The following BCL11B variants were observed in gnomAD, a reference collection of about 807,000 sequenced individuals.
The protein encoded by BCL11B is B-cell lymphoma/leukemia 11B.
A neutral mutation model predicts 49.9 loss-of-function variants in BCL11B; 8 were observed. That is an observed-to-expected ratio of 0.16 (90% CI 0.09 to 0.29). BCL11B has a LOEUF of 0.29. Ranked by LOEUF, BCL11B falls within the 10% of genes least tolerant of loss-of-function variation. The pLI is 1.00. For synonymous variants in BCL11B, 739 were observed against 637.4 expected (o/e 1.16, Z -2.40); for missense variants, 1,006 against 1,351.0 (o/e 0.74, Z 4.00).
chr14:99,207,340 C>A (rs1887561345), intron 3 of BCL11B, among the ~76,000 whole-genome samples: 1 of 152,180 alleles, frequency 6.6e-6, no homozygotes, highest in East Asian at 1.9e-4. Context: ...CCTTTGCAGA[C>A]CTAACTCTCA....
In BCL11B at chr14:99,247,318, T is replaced by A. The variant is rs1277693567; in HGVS notation, c.427+10153A>T. 6.6e-6 allele frequency among the ~76,000 whole-genome samples: 1 copy of A among 152,108 alleles called. No individual in the cohort carries two copies. The highest frequency in any genetic ancestry group is 2.4e-5 in the African/African-American group (1 of 41,400). On this transcript the variant is annotated intron_variant, in intron 2 of 3. Transcript: ENST00000357195. This position sits in a 1 kb window ranked among gnomAD's most constrained non-coding sequence, Gnocchi z 4.5. The stretch of plus-strand genomic sequence containing the variant: ...TTTCTTAATTGGCTGGCTTTGAACT[T>A]GAGGTGGGAGGAGAAAAGAACCCGC...
rs1433901442 is a variant in BCL11B, at chr14:99,248,779, GAC to G, written c.427+8690_427+8691del. Among the ~76,000 whole-genome samples, 2 of 152,142 alleles carry G rather than the reference GAC, an allele frequency of 1.3e-5. No homozygotes were observed. Among genetic ancestry groups the G allele is most frequent in the Admixed American group, 6.5e-5 (1 of 15,280 alleles). On this transcript the variant is annotated intron_variant, in intron 2 of 3. Coordinates refer to ENST00000357195, the MANE Select transcript of BCL11B (RefSeq NM_138576.4). This position sits in a 1 kb window ranked among gnomAD's most constrained non-coding sequence, Gnocchi z 4.7. Reference sequence around the variant, plus strand: ...AAAGGAATTGAGGTGGGAAATGCACGACCTTCTGCCTGGCTCTTGCAGCTGTT... The same window carrying G: ...AAAGGAATTGAGGTGGGAAATGCACGCTTCTGCCTGGCTCTTGCAGCTGTT...
At chr14:99,198,485 T>C (rs1887243529) in intron 3 of BCL11B, among the ~76,000 whole-genome samples, 1 of 152,152 alleles carries the variant, frequency 6.6e-6, no homozygotes, top group South Asian at 2.1e-4. Context: ...CTGGGTGATG[T>C]TCCACCCTAT....
At chr14:99,193,438 T>C (rs1424798089) in intron 3 of BCL11B, among the ~76,000 whole-genome samples, 1 of 151,820 alleles carries the variant, frequency 6.6e-6, no homozygotes, top group African/African-American at 2.4e-5. Flanking sequence ...CTAGAACAGA[T>C]GCCAAGGGCA....
chr14:99,181,243 C>T (rs557567190), intron 3 of BCL11B, among the ~76,000 whole-genome samples: 10 of 152,258 alleles, frequency 6.6e-5, no homozygotes, highest in African/African-American at 2.4e-4. Context: ...GGTTGGGGGG[C>T]TAAAGTAAGA....
chr14:99,266,602 G>T (rs1889489476), intron 1 of BCL11B, among the ~76,000 whole-genome samples: 1 of 152,222 alleles, frequency 6.6e-6, no homozygotes, highest in Non-Finnish European at 1.5e-5. Context: ...ACGAATCTCT[G>T]CTGGAAAATC....
chr14:99,244,931 T>C (rs1443579217), intron 2 of BCL11B, among the ~76,000 whole-genome samples: 3 of 152,222 alleles, frequency 2.0e-5, no homozygotes, highest in African/African-American at 7.2e-5. Flanking sequence ...GCAAATCAAT[T>C]CTGCCTGGTT....
intron 1 of BCL11B, among the ~76,000 whole-genome samples, chr14:99,265,885 T>C (rs979748849): frequency 2.6e-5 from 4 of 152,238 alleles, no homozygotes; most frequent in African/African-American, 7.2e-5. Context: ...TGCTCATATA[T>C]TGAACTCTAG....
chr14:99,183,437 C>G (rs895027708), intron 3 of BCL11B, among the ~76,000 whole-genome samples: 4 of 152,118 alleles, frequency 2.6e-5, no homozygotes, highest in African/African-American at 9.7e-5. Context: ...CGCAAAGTTG[C>G]ACTTCAGGAC....
rs140899956 is a variant in BCL11B, at chr14:99,256,854, C to T, written c.427+617G>A. Among the ~76,000 whole-genome samples, 240 of 152,284 alleles carry T rather than the reference C, an allele frequency of 1.6e-3. 1 individual carries two copies. The highest frequency in any genetic ancestry group is 5.1e-3 in the African/African-American group (212 of 41,572). ...AAGTTCCCACACCCCTGCCTGGGACCGGCCCCTGGGGTCGGGCAATGTCAG... is the reference window on the plus strand; with the variant it reads ...AAGTTCCCACACCCCTGCCTGGGACTGGCCCCTGGGGTCGGGCAATGTCAG... On this transcript the variant is annotated intron_variant, in intron 2 of 3. Coordinates refer to ENST00000357195, the MANE Select transcript of BCL11B (RefSeq NM_138576.4).
Position 99,195,788 on chromosome 14 carries a change from A to G in BCL11B, c.641-19593T>C, listed in dbSNP as rs1887163188. On this transcript the variant is annotated intron_variant, in intron 3 of 3. Coordinates refer to ENST00000357195, the MANE Select transcript of BCL11B (RefSeq NM_138576.4). The surrounding 1 kb of genome is among the most constrained non-coding windows in gnomAD (Gnocchi z 4.7). Reference sequence around the variant, plus strand: ...TCATTCCTGTCACCCTTCACCACCCAACACCATCTGACACATAGTAGGTGC... The same window carrying G: ...TCATTCCTGTCACCCTTCACCACCCGACACCATCTGACACATAGTAGGTGC... Among the ~76,000 whole-genome samples, 1 of 152,030 alleles carries G rather than the reference A, an allele frequency of 6.6e-6. No individual in the cohort carries two copies. The highest frequency in any genetic ancestry group is 2.1e-4 in the South Asian group (1 of 4,818).
At chr14:99,250,053 T>C (rs993680012) in intron 2 of BCL11B, among the ~76,000 whole-genome samples, 1 of 123,692 alleles carries the variant, frequency 8.1e-6, no homozygotes. Context: ...TTTTTTTTTT[T>C]GAGATGGAAT....
chr14:99,176,882 T>C (rs1430034285), intron 3 of BCL11B, among the ~76,000 whole-genome samples: 1 of 152,036 alleles, frequency 6.6e-6, no homozygotes, highest in Non-Finnish European at 1.5e-5. Context: ...TCCAGGGAGT[T>C]GTACAGAAAC....
At chr14:99,210,848 G>C (rs1887667043) in intron 3 of BCL11B, among the ~76,000 whole-genome samples, 1 of 152,168 alleles carries the variant, frequency 6.6e-6, no homozygotes, top group Admixed American at 6.5e-5. Flanking sequence ...TCCTGACTTA[G>C]CTGCACTTGG....
At chr14:99,263,364 G>C (rs1301794682) in intron 1 of BCL11B, among the ~76,000 whole-genome samples, 2 of 152,204 alleles carry the variant, frequency 1.3e-5, no homozygotes, top group Non-Finnish European at 2.9e-5. Flanking sequence ...GAGAGCAAGG[G>C]AAGGCGGCCG....
At chr14:99,177,120 C>CGG (rs1464144754) in intron 3 of BCL11B, among the ~76,000 whole-genome samples, 3 of 152,074 alleles carry the variant, frequency 2.0e-5, no homozygotes, top group Non-Finnish European at 4.4e-5. Flanking sequence ...CCCGTGTCCT[C>CGG]ACACACACGC....
chr14:99,259,159 C>T (rs906480065), intron 1 of BCL11B, among the ~76,000 whole-genome samples: 9 of 151,914 alleles, frequency 5.9e-5, no homozygotes, highest in African/African-American at 1.9e-4. Flanking sequence ...CAGAGGGCAG[C>T]CAAAGGTCTG....
chr14:99,230,107 G>A (rs1309256991), intron 3 of BCL11B, among the ~76,000 whole-genome samples: 1 of 152,154 alleles, frequency 6.6e-6, no homozygotes, highest in Admixed American at 6.5e-5. Context: ...ACAGCAGGGA[G>A]GGTACACTAA....
chr14:99,255,212 T>C (rs1057218299), intron 2 of BCL11B, among the ~76,000 whole-genome samples: 1 of 152,142 alleles, frequency 6.6e-6, no homozygotes, highest in Admixed American at 6.5e-5. Flanking sequence ...GTAGACTGTT[T>C]TGTGCCTTTG....
Sources: gnomAD v4.1 joint callset for allele counts (sites outside exome capture counted in the v4.1 genomes callset) on GRCh38, gnomAD v4.1.1 for gene constraint, Gnocchi (gnomAD v3.1) non-coding constraint, MANE v1.5 for transcripts, NCBI Gene and HGNC (gene_info 2026-07-23, HGNC 2026-07-21) for gene names.